The following DBF4B variants were observed in gnomAD, a reference collection of about 807,000 sequenced individuals.
The protein encoded by DBF4B is DBF4B-CDC7 kinase regulatory subunit.
Under a neutral mutation model 53.4 loss-of-function variants are expected in DBF4B, and 49 were observed. The ratio of observed to expected loss-of-function variants is 0.92; its 90% CI spans 0.73 to 1.16. DBF4B has a LOEUF of 1.16. Ranked by LOEUF, DBF4B falls within the 50% of genes most tolerant of loss-of-function variation. The pLI, the probability that DBF4B is intolerant of heterozygous loss-of-function variation, is 0.00. For missense variants in DBF4B, 692 were observed against 775.0 expected (o/e 0.89, Z 1.27); for synonymous variants, 257 against 288.7 (o/e 0.89, Z 1.11).
chr17:44,710,606 C>T (rs569859108), intron 2 of DBF4B, among the ~76,000 whole-genome samples: 3 of 152,090 alleles, frequency 2.0e-5, no homozygotes, highest in African/African-American at 7.2e-5. Flanking sequence ...GGTCTTGCAC[C>T]CAGGCTGGAG....
intron 10 of DBF4B, among the ~76,000 whole-genome samples, chr17:44,746,053 C>CA (rs61654485): frequency 3.8e-4 from 42 of 110,632 alleles, no homozygotes; most frequent in Non-Finnish European, 6.1e-4. Context: ...ACTAAAAATA[C>CA]AAAAAAAAAA....
rs778262267 is a variant in DBF4B, at chr17:44,741,330, T to G, written c.714-6T>G. The G allele has an allele frequency of 6.2e-7, 1 of 1,602,116 alleles. No homozygotes were observed. The highest frequency in any genetic ancestry group is 8.6e-7 in the Non-Finnish European group (1 of 1,169,266). On this transcript the variant is annotated splice_polypyrimidine_tract_variant and splice_region_variant and intron_variant, in intron 9 of 13. Transcript: ENST00000315005. ...GTAGTCAAAGTGGAAGTTTTCTCTG[T>G]TGCAGGAAGTTTCGTCCTTTCCATC...
chr17:44,744,806 G>A (rs1427026325), intron 10 of DBF4B, among the ~76,000 whole-genome samples: 1 of 151,970 alleles, frequency 6.6e-6, no homozygotes, highest in Non-Finnish European at 1.5e-5. Context: ...TATAATTTTT[G>A]TTTTTTCTTA....
chr17:44,740,168 A>G (rs528101074), intron 9 of DBF4B, among the ~76,000 whole-genome samples: 3 of 152,326 alleles, frequency 2.0e-5, no homozygotes, highest in East Asian at 1.9e-4. Context: ...AGCAGAAACA[A>G]TATCATTGAA....
In DBF4B at chr17:44,734,159, CA is replaced by C; in HGVS notation, c.627del (p.Glu210ArgfsTer17). The C allele has an allele frequency of 6.2e-7, 1 of 1,614,166 alleles. No homozygotes were observed. Among genetic ancestry groups the C allele is most frequent in the Non-Finnish European group, 8.5e-7 (1 of 1,180,014 alleles). ...LCVKKQQPKK[P>X]EGTCPAAESR... ...GTGAAAAAACAACAGCCAAAGAAGC[CA>C]GAGGTAGGTCATCCTGCTGAACTGA... On this transcript the variant is annotated frameshift_variant, in exon 7 of 14. Coordinates refer to ENST00000315005, the MANE Select transcript of DBF4B (RefSeq NM_145663.3). LOFTEE classifies it high-confidence loss of function.
chr17:44,752,022 C>G lies in DBF4B; in HGVS notation c.*769C>G. The stretch of plus-strand genomic sequence containing the variant: ...CCTAACTACTTTACTCAGACTAGGT[C>G]CCCAGGCCTTTGTTCTTGCCTCTTC... On this transcript the variant is annotated 3_prime_UTR_variant, in exon 14 of 14. Transcript: ENST00000315005. The G allele has an allele frequency of 1.3e-6, 2 of 1,521,770 alleles. No individual in the cohort carries two copies. The highest frequency in any genetic ancestry group is 1.8e-6 in the Non-Finnish European group (2 of 1,133,920). 94.3% of individuals were successfully genotyped at this position (1,521,770 alleles called of 1,614,324 possible).
intron 2 of DBF4B, among the ~76,000 whole-genome samples, chr17:44,717,772 T>A (rs1973455499): frequency 1.3e-5 from 2 of 151,024 alleles, no homozygotes; most frequent in African/African-American, 2.4e-5. Context: ...CCCAGCACTT[T>A]GGGAGGCTGA....
chr17:44,710,907 T>G (rs188499682), intron 2 of DBF4B, among the ~76,000 whole-genome samples: 1 of 152,130 alleles, frequency 6.6e-6, no homozygotes, highest in East Asian at 1.9e-4. Flanking sequence ...TATTTGTTCT[T>G]AAAATTTACT....
At chr17:44,743,838 G>A (rs1976320359) in intron 10 of DBF4B, among the ~76,000 whole-genome samples, 1 of 151,208 alleles carries the variant, frequency 6.6e-6, no homozygotes, top group South Asian at 2.1e-4. Context: ...TTGAACTCCT[G>A]ACCTCGTGAT....
chr17:44,731,156 C>A, intron 5 of DBF4B, 141 bp downstream of exon 5: 1 of 978,952 alleles, frequency 1.0e-6, no homozygotes, highest in South Asian at 1.4e-5. Context: ...CCTTCTTCTA[C>A]ATCAGGTAGT....
intron 10 of DBF4B, among the ~76,000 whole-genome samples, chr17:44,746,128 A>T (rs999106098): frequency 5.3e-5 from 8 of 149,586 alleles, no homozygotes; most frequent in African/African-American, 1.7e-4. Context: ...GCTATTCGGG[A>T]GGCTGAGACA....
At chr17:44,714,637 T>C (rs1973174300) in intron 2 of DBF4B, among the ~76,000 whole-genome samples, 1 of 152,144 alleles carries the variant, frequency 6.6e-6, no homozygotes, top group African/African-American at 2.4e-5. Context: ...TTATCTTCTT[T>C]ATAGACCTGT....
At chr17:44,730,789 C>G (rs1378642748) in intron 4 of DBF4B, among the ~76,000 whole-genome samples, 176 bp from the exon 5 acceptor site, 1 of 152,132 alleles carries the variant, frequency 6.6e-6, no homozygotes, top group Non-Finnish European at 1.5e-5. Flanking sequence ...GTGGCTTTAC[C>G]TTTACCTCCT....
chr17:44,720,112 G>T, intron 2 of DBF4B: 1 of 279,314 alleles, frequency 3.6e-6, no homozygotes. Flanking sequence ...AGCTGCTTCA[G>T]GAAAACCACC....
At chr17:44,747,276 T>A in intron 11 of DBF4B, 85 bp downstream of exon 11, 1 of 1,595,156 alleles carries the variant, frequency 6.3e-7, no homozygotes, top group South Asian at 1.1e-5. Context: ...CTATGCGATC[T>A]CTATGCTGCT....
At chr17:44,734,602 C>G (rs1021495072) in intron 7 of DBF4B, among the ~76,000 whole-genome samples, 3 of 152,220 alleles carry the variant, frequency 2.0e-5, no homozygotes, top group African/African-American at 7.2e-5. Flanking sequence ...TGTTTGTTTT[C>G]CATTCTTTGC....
Position 44,734,089 on chromosome 17 carries a change from G to T in DBF4B, c.557-1G>T. 2 of 1,613,764 alleles carry T rather than the reference G, an allele frequency of 1.2e-6. No individual in the cohort carries two copies. The highest frequency in any genetic ancestry group is 1.7e-6 in the Non-Finnish European group (2 of 1,179,650). On this transcript the variant is annotated splice_acceptor_variant, in intron 6 of 13. Transcript: ENST00000315005. LOFTEE classifies it high-confidence loss of function. ...GCACAAACCCTCTGTCTTCTCCACAGAAATGATGATGCACGTGCAACAGCT... is the reference window on the plus strand; with the variant it reads ...GCACAAACCCTCTGTCTTCTCCACATAAATGATGATGCACGTGCAACAGCT...
chr17:44,718,203 G>T (rs565458049), intron 2 of DBF4B, among the ~76,000 whole-genome samples: 1 of 151,880 alleles, frequency 6.6e-6, no homozygotes, highest in African/African-American at 2.4e-5. Context: ...AGGCCGAGGC[G>T]GGCGGATCAT....
Position 44,751,526 on chromosome 17 carries a change from T to C in DBF4B, c.*273T>C. On this transcript the variant is annotated 3_prime_UTR_variant, in exon 14 of 14. Coordinates refer to ENST00000315005, the MANE Select transcript of DBF4B (RefSeq NM_145663.3). ...TCTGTCCCTGGCCCTCCAGCCCACC[T>C]CGCCAACCACTCTTGTTGGTTTCCT... The C allele has an allele frequency of 7.6e-7, 1 of 1,318,364 alleles. No homozygotes were observed. Among genetic ancestry groups the C allele is most frequent in the Non-Finnish European group, 9.6e-7 (1 of 1,037,068 alleles). The allele number at this position is 1,318,364 out of a possible 1,614,324, so 81.7% of individuals were successfully genotyped here. A position where few individuals can be genotyped will look rare whatever the true frequency, so the allele number is the denominator to read the frequency against.
Sources: allele counts gnomAD v4.1 joint callset (sites outside exome capture counted in the v4.1 genomes callset), GRCh38; gene constraint gnomAD v4.1.1; transcripts MANE v1.5; gene names NCBI Gene and HGNC (gene_info 2026-07-23, HGNC 2026-07-21).